FSTL4: variants seen among roughly 807,000 people sequenced by gnomAD.
FSTL4 encodes follistatin-related protein 4.
FSTL4 carries 28 observed loss-of-function variants against 78.2 expected under a neutral mutation model. The observed-to-expected ratio is 0.36, with a 90% confidence interval of 0.27 to 0.49. The LOEUF is 0.49. FSTL4 is among the 20% of genes least tolerant of loss of function. FSTL4 has a pLI of 0.98. For missense variants in FSTL4, 922 were observed against 1,084.9 expected (o/e 0.85, Z 2.11); for synonymous variants, 422 against 440.5 (o/e 0.96, Z 0.53).
At chr5:133,450,757 A>G (rs982661579) in intron 3 of FSTL4, among the ~76,000 whole-genome samples, 2 of 152,202 alleles carry the variant, frequency 1.3e-5, no homozygotes, top group South Asian at 2.1e-4. Flanking sequence ...TGGTGCCACA[A>G]GCAGCTGACT....
chr5:133,296,325 A>G (rs370820038), intron 6 of FSTL4, among the ~76,000 whole-genome samples: 2 of 152,196 alleles, frequency 1.3e-5, no homozygotes, highest in Admixed American at 6.5e-5. Context: ...ACTTGTCTAC[A>G]TGCTCCTACT....
intron 3 of FSTL4, among the ~76,000 whole-genome samples, chr5:133,449,655 G>C (rs1396158619): frequency 2.0e-5 from 3 of 152,144 alleles, no homozygotes; most frequent in African/African-American, 7.2e-5. Context: ...CCGAGGTGAG[G>C]GGTGAGGTCT....
Position 133,198,567 on chromosome 5 carries a change from C to T in FSTL4, c.*528G>A, listed in dbSNP as rs1363616768. The stretch of plus-strand genomic sequence containing the variant: ...TAAGTCTTGTTGGCTCTCCCTCAGG[C>T]TTACAGCAAGTCAAATGGAAAGAAA... On this transcript the variant is annotated 3_prime_UTR_variant, in exon 16 of 16. Coordinates refer to ENST00000265342, the MANE Select transcript of FSTL4 (RefSeq NM_015082.2). 6.5e-6 allele frequency: 1 copy of T among 152,866 alleles called. No individual in the cohort carries two copies. Among genetic ancestry groups the T allele is most frequent in the East Asian group, 1.9e-4 (1 of 5,194 alleles). 9.5% of individuals were successfully genotyped at this position (152,866 alleles called of 1,614,324 possible). A position where few individuals can be genotyped will look rare whatever the true frequency, so the allele number is the denominator to read the frequency against.
the FSTL4 span, among the ~76,000 whole-genome samples, chr5:133,688,128 GC>G: frequency 6.6e-6 from 1 of 152,198 alleles, no homozygotes; most frequent in Non-Finnish European, 1.5e-5. Context: ...GTGGTTCTAG[GC>G]CGGGCACAGG....
intron 4 of FSTL4, among the ~76,000 whole-genome samples, chr5:133,349,295 C>CTCTGTGTATGTG (rs11269337): frequency 7.2e-6 from 1 of 139,682 alleles, no homozygotes; most frequent in Non-Finnish European, 1.5e-5. Context: ...GCCTCTCTCT[C>CTCTGTGTATGTG]TGTGTGTGTG....
the FSTL4 span, among the ~76,000 whole-genome samples, chr5:133,665,154 A>C: frequency 1.3e-5 from 2 of 152,198 alleles, no homozygotes; most frequent in East Asian, 1.9e-4. Context: ...GACCCCCAAA[A>C]GTATGAGTGG....
intron 4 of FSTL4, among the ~76,000 whole-genome samples, chr5:133,322,335 G>C (rs1463983812): frequency 7.0e-6 from 1 of 142,214 alleles, no homozygotes; most frequent in African/African-American, 2.6e-5. Flanking sequence ...ACACCCACAC[G>C]GGACTGCCTT....
At chr5:133,205,386 CGT>C (rs3087070) in intron 14 of FSTL4, among the ~76,000 whole-genome samples, 69,061 of 150,680 alleles carry the variant, frequency 0.46, 16,555 homozygotes, top group African/African-American at 0.6. Context: ...TTTTTCTTTG[CGT>C]GTGTGTGTGT....
intron 3 of FSTL4, among the ~76,000 whole-genome samples, chr5:133,507,563 G>A (rs1332447358): frequency 5.5e-5 from 8 of 145,096 alleles, no homozygotes; most frequent in Middle Eastern, 3.6e-3. Flanking sequence ...TCGCTCTGTC[G>A]CCAGGCTGGA....
chr5:133,311,360 C>A (rs1324279673), intron 6 of FSTL4, among the ~76,000 whole-genome samples: 1 of 151,966 alleles, frequency 6.6e-6, no homozygotes, highest in African/African-American at 2.4e-5. Flanking sequence ...TGACGGGGAC[C>A]CTGCACAGTC....
At chr5:133,775,143 T>G in the FSTL4 span, among the ~76,000 whole-genome samples, 1,096 of 152,354 alleles carry the variant, frequency 7.2e-3, 14 homozygotes, top group African/African-American at 0.025. Context: ...CAAGACAAGT[T>G]TCTATAGAAG....
At chr5:133,227,223 C>T (rs1751360844) in intron 8 of FSTL4, among the ~76,000 whole-genome samples, 1 of 152,168 alleles carries the variant, frequency 6.6e-6, no homozygotes, top group Non-Finnish European at 1.5e-5. Flanking sequence ...CTCAGTTTTT[C>T]TTTGTTTGAA....
At chr5:133,801,929 C>G in the FSTL4 span, among the ~76,000 whole-genome samples, 12 of 152,188 alleles carry the variant, frequency 7.9e-5, no homozygotes, top group Non-Finnish European at 1.3e-4. Context: ...CCTCCCTGCT[C>G]CCTACTCCTT....
At chr5:133,554,412 T>C (rs577380214) in intron 3 of FSTL4, among the ~76,000 whole-genome samples, 2 of 152,342 alleles carry the variant, frequency 1.3e-5, no homozygotes, top group South Asian at 4.1e-4. Flanking sequence ...GATCCTGCTG[T>C]CAGCAATGGA....
At chr5:133,816,701 C>T in the FSTL4 span, among the ~76,000 whole-genome samples, 2 of 152,156 alleles carry the variant, frequency 1.3e-5, no homozygotes, top group African/African-American at 2.4e-5. Flanking sequence ...GGGAAAATAA[C>T]ATTATAGGTT....
At chr5:133,541,985 C>A (rs1759482797) in intron 3 of FSTL4, among the ~76,000 whole-genome samples, 2 of 150,642 alleles carry the variant, frequency 1.3e-5, no homozygotes, top group South Asian at 4.2e-4. Flanking sequence ...CTGATACTTC[C>A]AACTCCCATC....
chr5:133,669,539 C>T, the FSTL4 span, among the ~76,000 whole-genome samples: 1 of 151,988 alleles, frequency 6.6e-6, no homozygotes, highest in African/African-American at 2.4e-5. Flanking sequence ...GTGCCCTGCC[C>T]CCAGCAGCTC....
intron 3 of FSTL4, among the ~76,000 whole-genome samples, chr5:133,529,181 A>G (rs1759199279): frequency 6.6e-6 from 1 of 152,230 alleles, no homozygotes; most frequent in African/African-American, 2.4e-5. Flanking sequence ...GTGTGAAGCC[A>G]CTGAAATCAT....
At chr5:133,448,392 A>G (rs972859053) in intron 3 of FSTL4, among the ~76,000 whole-genome samples, 1 of 152,226 alleles carries the variant, frequency 6.6e-6, no homozygotes, top group Admixed American at 6.5e-5. Flanking sequence ...TGCCAGTGGC[A>G]CAGCCCAGAG....
Sources: allele counts gnomAD v4.1 joint callset (sites outside exome capture counted in the v4.1 genomes callset), GRCh38; gene constraint gnomAD v4.1.1; transcripts MANE v1.5; gene names NCBI Gene and HGNC (gene_info 2026-07-23, HGNC 2026-07-21).